The following ORC1 variants were observed in gnomAD, a reference collection of about 807,000 sequenced individuals.
The protein encoded by ORC1 is origin recognition complex, subunit 1 homolog.
Under a neutral mutation model 98.9 loss-of-function variants are expected in ORC1, and 61 were observed. That is an observed-to-expected ratio of 0.62 (90% CI 0.50 to 0.76). ORC1 has a LOEUF of 0.76. Among genes scored for constraint, ORC1 ranks in the 30% least tolerant of loss-of-function variants. ORC1 has a pLI of 0.00. For missense variants in ORC1, 979 were observed against 1,072.2 expected, an observed-to-expected ratio of 0.91 and a Z score of 1.21; for synonymous variants, 385 against 406.9, an observed-to-expected ratio of 0.95 and a Z score of 0.65.
chr1:52,409,381 T>C (rs1342302483), upstream of ORC1: 1 of 152,278 alleles, frequency 6.6e-6, no homozygotes, highest in Non-Finnish European at 1.5e-5. Context: ...GAGGCCAACA[T>C]GGGCAGATCA....
intron 3 of ORC1, among the ~76,000 whole-genome samples, chr1:52,398,306 C>T (rs75444774): frequency 2.6e-5 from 4 of 151,504 alleles, no homozygotes; most frequent in Admixed American, 2.6e-4. Flanking sequence ...CTCTGTCCCC[C>T]AGGCTGGAGT....
At chr1:52,385,354 TTGTC>T in intron 9 of ORC1, 92 bp from the exon 10 acceptor site, 3 of 891,822 alleles carry the variant, frequency 3.4e-6, no homozygotes. Flanking sequence ...TTATGGTTTC[TTGTC>T]TATGTTTCTA....
chr1:52,384,735 G>C lies in ORC1; in HGVS notation c.1584-14C>G, dbSNP rs1647120713. 12 of 1,610,832 alleles carry C rather than the reference G, an allele frequency of 7.4e-6. No individual in the cohort carries two copies. In the East Asian group the frequency reaches 2.7e-4, roughly 36 times the overall value. ...ATGTACATGCACCTAGAGCAAGAGA[G>C]GAAAACCCGTGGGGTAGGTCTCAGC... On this transcript the variant is annotated splice_polypyrimidine_tract_variant and intron_variant, in intron 10 of 16. Transcript: ENST00000371568.
In ORC1 at chr1:52,383,558, C is replaced by T; in HGVS notation, c.1875G>A (p.Leu625=). The T allele has an allele frequency of 6.2e-7, 1 of 1,614,042 alleles. No homozygotes were observed. Among genetic ancestry groups the T allele is most frequent in the Non-Finnish European group, 8.5e-7 (1 of 1,180,028 alleles). ...TVLLVDELDL[L]WTHKQDIMYN... ...ACATTATGTCTTGTTTGTGAGTCCA[C>T]AGAAGGTCGAGCTGCCAGGGCAAAG... The change falls in exon 13 of 17, where the codon CTG becomes CTA. Residue 625 remains leucine, a synonymous_variant. Coordinates refer to ENST00000371568, the MANE Select transcript of ORC1 (RefSeq NM_004153.4).
chr1:52,395,951 T>C, intron 5 of ORC1, 95 bp downstream of exon 5: 1 of 1,564,124 alleles, frequency 6.4e-7, no homozygotes, highest in South Asian at 1.2e-5. Flanking sequence ...TAGTGCACTG[T>C]GATCACTAAC....
chr1:52,398,178 G>A (rs1313973919), intron 3 of ORC1, among the ~76,000 whole-genome samples: 1 of 152,070 alleles, frequency 6.6e-6, no homozygotes, highest in Non-Finnish European at 1.5e-5. Context: ...TGGCCAGGCT[G>A]GTCTCAAACT....
intron 6 of ORC1, among the ~76,000 whole-genome samples, chr1:52,392,393 G>A (rs1474074962): frequency 6.6e-6 from 1 of 152,066 alleles, no homozygotes; most frequent in South Asian, 2.1e-4. Context: ...CTCCCAAAGT[G>A]CTAGGATTAC....
intron 4 of ORC1, among the ~76,000 whole-genome samples, chr1:52,396,692 A>T (rs1647415115): frequency 6.6e-6 from 1 of 151,686 alleles, no homozygotes; most frequent in African/African-American, 2.4e-5. Flanking sequence ...GCATCCTCTC[A>T]CTCCTGGGTT....
intron 4 of ORC1, 76 bp from the exon 5 acceptor site, chr1:52,396,440 A>G: frequency 6.3e-7 from 1 of 1,578,512 alleles, no homozygotes; most frequent in African/African-American, 1.3e-5. Flanking sequence ...CAGAGCTACA[A>G]TTAAAAACAT....
chr1:52,390,719 TG>T lies in ORC1; in HGVS notation c.1083-1399del, dbSNP rs577081580. ...CAGCCTGGCCAACACAGTGAAACCCTGTCTCTACTAAAAATACAAAAAATTA... is the reference window on the plus strand; with the variant it reads ...CAGCCTGGCCAACACAGTGAAACCCTTCTCTACTAAAAATACAAAAAATTA... On this transcript the variant is annotated intron_variant, in intron 6 of 16. Transcript: ENST00000371568. 1.1e-4 allele frequency among the ~76,000 whole-genome samples: 17 copies of T among 151,528 alleles called. No individual in the cohort carries two copies. The South Asian group carries it at 3.5e-3, about 32-fold the overall frequency.
chr1:52,408,539 C>A (rs772702307), upstream of ORC1: 1 of 1,613,710 alleles, frequency 6.2e-7, no homozygotes, highest in Non-Finnish European at 8.5e-7. Context: ...TCTAGGATGG[C>A]CTGTTGTTTC....
At chr1:52,402,962 A>T (rs1488249717) in intron 1 of ORC1, among the ~76,000 whole-genome samples, 1 of 152,240 alleles carries the variant, frequency 6.6e-6, no homozygotes, top group African/African-American at 2.4e-5. Flanking sequence ...TATCTTATAC[A>T]GGATGGCACA....
rs1256639548 is a variant in ORC1 at position 52,401,490 on chromosome 1, C to A, written c.96-1G>T. 1 of 1,613,808 alleles carries A rather than the reference C, an allele frequency of 6.2e-7. No individual in the cohort carries two copies. Among genetic ancestry groups the A allele is most frequent in the Non-Finnish European group, 8.5e-7 (1 of 1,180,024 alleles). On this transcript the variant is annotated splice_acceptor_variant, in intron 2 of 16. Transcript: ENST00000371568. LOFTEE classifies it high-confidence loss of function. ...ACCTTCTGTTTTCACACACATTTCT[C>A]TAGGAAGTAACAGAGAAGCACATTA...
upstream of ORC1, chr1:52,405,671 GTTT>G: frequency 6.2e-7 from 1 of 1,612,184 alleles, no homozygotes; most frequent in Non-Finnish European, 8.5e-7. Flanking sequence ...TATTGTTTTT[GTTT>G]TTTAGCTGAA....
In ORC1 at chr1:52,397,740, T is replaced by G; in HGVS notation, c.347A>C (p.Asp116Ala). ...KPGAQEIFWY[D>A]YPACDSNINA... ...AATGTTGCTGTCACAGGCCGGGTAA[T>G]CATACCAGAATATTTCCTGTGCACC... is the stretch of plus-strand genomic sequence containing the variant. Residue 116 changes from aspartate to alanine, a missense_variant, in exon 4 of 17, where the codon GAT (aspartate) becomes GCT (alanine). Coordinates refer to ENST00000371568, the MANE Select transcript of ORC1 (RefSeq NM_004153.4). The G allele has an allele frequency of 6.2e-7, 1 of 1,614,188 alleles. No homozygotes were observed. Among genetic ancestry groups the G allele is most frequent in the East Asian group, 2.2e-5 (1 of 44,874 alleles).
At chr1:52,384,405 C>T (rs933046751) in intron 11 of ORC1, 145 bp downstream of exon 11, 1 of 781,676 alleles carries the variant, frequency 1.3e-6, no homozygotes, top group African/African-American at 1.7e-5. Flanking sequence ...AGAATTCTGT[C>T]TTCCTTGCCC....
chr1:52,399,004 C>T (rs1256312776), intron 3 of ORC1, among the ~76,000 whole-genome samples: 1 of 152,134 alleles, frequency 6.6e-6, no homozygotes, highest in Non-Finnish European at 1.5e-5. Context: ...TGACCAACTG[C>T]AGCAATCTAA....
In ORC1 at chr1:52,393,627, C is replaced by G; in HGVS notation, c.898G>C (p.Gly300Arg). ...LKAPEKTRET[G>R]LSYTEDDKKA... ...TTGTCATCCTCAGTATAAGAGAGTC[C>G]AGTCTCTCTGGTTTTCTCTGGGGCT... The change falls in exon 6 of 17, where the codon GGA becomes CGA. Residue 300 changes from glycine to arginine, a missense_variant. Transcript: ENST00000371568. 1 of 1,613,886 alleles carries G rather than the reference C, an allele frequency of 6.2e-7. No homozygotes were observed. The highest frequency in any genetic ancestry group is 8.5e-7 in the Non-Finnish European group (1 of 1,179,828).
intron 14 of ORC1, among the ~76,000 whole-genome samples, chr1:52,380,540 CA>C (rs1249179776): frequency 6.6e-6 from 1 of 151,962 alleles, no homozygotes; most frequent in Non-Finnish European, 1.5e-5. Flanking sequence ...TACTAAAATA[CA>C]AAAATTAGCT....
Sources: allele counts gnomAD v4.1 joint callset (sites outside exome capture counted in the v4.1 genomes callset), GRCh38; gene constraint gnomAD v4.1.1; transcripts MANE v1.5; gene names NCBI Gene and HGNC (gene_info 2026-07-23, HGNC 2026-07-21).